CRMP1: variants seen among roughly 807,000 people sequenced by gnomAD.
CRMP1 encodes the protein collapsin response mediator protein 1.
In CRMP1, 19 loss-of-function variants were observed where a neutral mutation model predicts 68.3. The observed-to-expected ratio is 0.28, with a 90% CI of 0.19 to 0.41. CRMP1 has a LOEUF of 0.41. Ranked by LOEUF, CRMP1 falls within the 10% of genes least tolerant of loss-of-function variation. The probability of loss-of-function intolerance (pLI) is 1.00; values close to 1 mark genes in which losing one functional copy is unlikely to be tolerated. For synonymous variants in CRMP1, 439 were observed against 399.6 expected, an observed-to-expected ratio of 1.10 and a Z score of -1.18; for missense variants, 791 against 967.4, an observed-to-expected ratio of 0.82 and a Z score of 2.42.
Position 5,890,725 on chromosome 4 carries a change from C to G in CRMP1, c.381+1864G>C, listed in dbSNP as rs1269602904. ...GAGAGGAACGGGAGAGGTGAAGCGACCAGCGTCCCCAAGGGTCAGGGCGCA... is the reference window on the plus strand; with the variant it reads ...GAGAGGAACGGGAGAGGTGAAGCGAGCAGCGTCCCCAAGGGTCAGGGCGCA... On this transcript the variant is annotated intron_variant, in intron 1 of 13. Transcript: ENST00000324989. This position sits in a 1 kb window ranked among gnomAD's most constrained non-coding sequence, Gnocchi z 5.5. 6.6e-6 allele frequency among the ~76,000 whole-genome samples: 1 copy of G among 152,148 alleles called. No individual in the cohort carries two copies. Among genetic ancestry groups the G allele is most frequent in the African/African-American group, 2.4e-5 (1 of 41,448 alleles).
At chr4:5,851,732 AGAGGAG>A (rs1288362733) in intron 4 of CRMP1, among the ~76,000 whole-genome samples, 1 of 150,504 alleles carries the variant, frequency 6.6e-6, no homozygotes, top group African/African-American at 2.4e-5. Context: ...AGAAGGAGAA[AGAGGAG>A]GAGGAGGAAG....
At chr4:5,886,618 G>T (rs760466493) in intron 1 of CRMP1, among the ~76,000 whole-genome samples, 1 of 152,240 alleles carries the variant, frequency 6.6e-6, no homozygotes, top group South Asian at 2.1e-4. Flanking sequence ...CCACCTTGGA[G>T]ACTGGGGACC....
chr4:5,870,512 C>T lies in CRMP1; in HGVS notation c.382-3756G>A, dbSNP rs549626915. Among the ~76,000 whole-genome samples the T allele has an allele frequency of 6.6e-6, 1 of 152,338 alleles. No individual in the cohort carries two copies. The highest frequency in any genetic ancestry group is 6.5e-5 in the Admixed American group (1 of 15,302). Reference sequence around the variant, plus strand: ...CCGTGAGCTCCACGGAGGCAACGGACTTTGTCCGTTTTCTTCACTGCTGTC... The same window carrying T: ...CCGTGAGCTCCACGGAGGCAACGGATTTTGTCCGTTTTCTTCACTGCTGTC... On this transcript the variant is annotated intron_variant, in intron 1 of 13. Coordinates refer to ENST00000324989, the MANE Select transcript of CRMP1 (RefSeq NM_001014809.3). This position sits in a 1 kb window ranked among gnomAD's most constrained non-coding sequence, Gnocchi z 6.0.
chr4:5,833,752 A>C (rs1720537497), intron 11 of CRMP1, among the ~76,000 whole-genome samples: 1 of 152,116 alleles, frequency 6.6e-6, no homozygotes, highest in African/African-American at 2.4e-5. Flanking sequence ...TCCCACACTG[A>C]AATAGTAAGA....
At position 5,892,999 on chromosome 4, in the gene CRMP1, T is replaced by C; in HGVS notation, c.-30A>G. The stretch of plus-strand genomic sequence containing the variant: ...GTCCAAGGCCGGCCACCCACCGCGC[T>C]CCCGCCTGCCCGCCCGCGGCCCTGG... On this transcript the variant is annotated 5_prime_UTR_variant, in exon 1 of 14. Transcript: ENST00000324989. This position sits in a 1 kb window ranked among gnomAD's most constrained non-coding sequence, Gnocchi z 8.6. The C allele has an allele frequency of 8.7e-7, 1 of 1,149,630 alleles. No homozygotes were observed. Among genetic ancestry groups the C allele is most frequent in the South Asian group, 4.1e-5 (1 of 24,310 alleles). The allele number at this position is 1,149,630 out of a possible 1,614,324, so 71.2% of individuals were successfully genotyped here.
At chr4:5,875,038 T>G (rs1038875723) in intron 1 of CRMP1, among the ~76,000 whole-genome samples, 1 of 152,230 alleles carries the variant, frequency 6.6e-6, no homozygotes, top group Admixed American at 6.5e-5. Flanking sequence ...CCAAACCTAC[T>G]GTCATCTCCC....
At position 5,828,571 on chromosome 4, in the gene CRMP1, T is replaced by C. The variant is rs745552877; in HGVS notation, c.1721A>G (p.Asn574Ser). 3 of 1,614,180 alleles carry C rather than the reference T, an allele frequency of 1.9e-6. No homozygotes were observed. The highest frequency in any genetic ancestry group is 2.5e-6 in the Non-Finnish European group (3 of 1,180,020). The stretch of plus-strand genomic sequence containing the variant: ...GAAGCGGCCCATGCCCTTGTTGACG[T>C]TGATGTTTCCGTCTTCAAAGACGAT... Reference protein sequence around the residue: ...GKIVFEDGNINVNKGMGRFIP... With the variant: ...GKIVFEDGNISVNKGMGRFIP... Residue 574 changes from asparagine (N) to serine (S), a missense_variant, in exon 12 of 14, where the codon AAC (asparagine) becomes AGC (serine). Transcript: ENST00000324989.
Position 5,860,918 on chromosome 4 carries a change from A to T in CRMP1, c.655+108T>A, listed in dbSNP as rs192251795. 2 of 1,157,144 alleles carry T rather than the reference A, an allele frequency of 1.7e-6. No homozygotes were observed. Among genetic ancestry groups the T allele is most frequent in the Middle Eastern group, 2.9e-4 (1 of 3,398 alleles). The allele number at this position is 1,157,144 out of a possible 1,614,324, so 71.7% of individuals were successfully genotyped here. ...AGGGCTGGGGGGAGAATGAAATCCA[A>T]TGGCACCCTGGGCAGAGAGCCTCGA... On this transcript the variant is annotated intron_variant, in intron 3 of 13. Coordinates refer to ENST00000324989, the MANE Select transcript of CRMP1 (RefSeq NM_001014809.3). This position sits in a 1 kb window ranked among gnomAD's most constrained non-coding sequence, Gnocchi z 4.2.
chr4:5,868,261 C>T (rs10937686), intron 1 of CRMP1, among the ~76,000 whole-genome samples: 1 of 111,472 alleles, frequency 9.0e-6, no homozygotes, highest in Non-Finnish European at 1.8e-5. Flanking sequence ...GACTATATAT[C>T]TATATATATA....
chr4:5,824,621 A>C, intron 13 of CRMP1: 1 of 950,596 alleles, frequency 1.1e-6, no homozygotes, highest in Non-Finnish European at 1.3e-6. Flanking sequence ...TGACCTGAGA[A>C]TAGTTTGTAC....
In CRMP1 at chr4:5,827,733, G is replaced by GCACACACACACACACA. The variant is rs141887967; in HGVS notation, c.1803+740_1803+755dup. Among the ~76,000 whole-genome samples the GCACACACACACACACA allele has an allele frequency of 7.2e-3, 1,001 of 138,318 alleles. 16 individuals carry two copies. Among genetic ancestry groups the GCACACACACACACACA allele is most frequent in the African/African-American group, 0.026 (901 of 34,948 alleles). 90.7% of individuals were successfully genotyped at this position (138,318 alleles called of 152,430 possible). A position where few individuals can be genotyped will look rare whatever the true frequency, so the allele number is the denominator to read the frequency against. On this transcript the variant is annotated intron_variant, in intron 12 of 13. Transcript: ENST00000324989. ...CATAGACATACACACATGTGCGCGT[G>GCACACACACACACACA]CACACACACACACACACACACGAAG...
intron 11 of CRMP1, among the ~76,000 whole-genome samples, chr4:5,833,977 C>T (rs1232974821): frequency 2.0e-5 from 3 of 152,296 alleles, no homozygotes; most frequent in South Asian, 2.1e-4. Flanking sequence ...ACCCGGGAGG[C>T]GGAGCTTGCA....
chr4:5,868,887 C>A (rs1714235433), intron 1 of CRMP1, among the ~76,000 whole-genome samples: 1 of 152,146 alleles, frequency 6.6e-6, no homozygotes, highest in Non-Finnish European at 1.5e-5. Context: ...AGGAATGCCC[C>A]ATTCTTTGCA....
At chr4:5,849,718 C>A (rs1712481506) in intron 5 of CRMP1, among the ~76,000 whole-genome samples, 1 of 152,132 alleles carries the variant, frequency 6.6e-6, no homozygotes, top group South Asian at 2.1e-4. Flanking sequence ...GTCCAAGTCA[C>A]CCCAGGGCAT....
intron 11 of CRMP1, among the ~76,000 whole-genome samples, chr4:5,829,241 CG>C (rs1032557858): frequency 6.6e-6 from 1 of 152,014 alleles, no homozygotes; most frequent in East Asian, 1.9e-4. Flanking sequence ...AACACACATT[CG>C]GCCGGGCACG....
chr4:5,849,562 C>T (rs1214015981), intron 5 of CRMP1, 90 bp from the exon 6 acceptor site: 2 of 835,894 alleles, frequency 2.4e-6, no homozygotes, highest in East Asian at 2.6e-5. Flanking sequence ...CCGATCACAC[C>T]CATTCGGTCA....
rs1376699391 is a variant in CRMP1 at position 5,865,226 on chromosome 4, C to G, written c.470+1442G>C. ...TCATGCTGGATCCTTAAACAGTGTC[C>G]TTCTCTTCTCTTCCAGATTTCAAGG... On this transcript the variant is annotated intron_variant, in intron 2 of 13. Transcript: ENST00000324989. The surrounding 1 kb of genome is among the most constrained non-coding windows in gnomAD (Gnocchi z 4.1). Among the ~76,000 whole-genome samples, 1 of 151,998 alleles carries G rather than the reference C, an allele frequency of 6.6e-6. No individual in the cohort carries two copies. The highest frequency in any genetic ancestry group is 6.6e-5 in the Admixed American group (1 of 15,218).
chr4:5,848,735 G>A (rs1232023456), intron 6 of CRMP1, among the ~76,000 whole-genome samples: 1 of 152,178 alleles, frequency 6.6e-6, no homozygotes, highest in African/African-American at 2.4e-5. Flanking sequence ...ATAACAAGGT[G>A]CCAGCATCTG....
At chr4:5,864,704 T>C (rs1713857284) in intron 2 of CRMP1, among the ~76,000 whole-genome samples, 1 of 152,004 alleles carries the variant, frequency 6.6e-6, no homozygotes, top group Non-Finnish European at 1.5e-5. Context: ...GAAGGCTTCC[T>C]GGAGGAGGAG....
Sources: gnomAD v4.1 joint callset for allele counts (sites outside exome capture counted in the v4.1 genomes callset) on GRCh38, gnomAD v4.1.1 for gene constraint, Gnocchi (gnomAD v3.1) non-coding constraint, MANE v1.5 for transcripts, NCBI Gene and HGNC (gene_info 2026-07-23, HGNC 2026-07-21) for gene names.